The following BABAM2 variants were observed in gnomAD, a reference collection of about 807,000 sequenced individuals.
The protein encoded by BABAM2 is BRISC and BRCA1 A complex member 2.
BABAM2 carries 31 observed loss-of-function variants against 54.7 expected under a neutral mutation model. The observed-to-expected ratio is 0.57, with a 90% confidence interval of 0.43 to 0.77. The LOEUF is 0.77. Among genes scored for constraint, BABAM2 ranks in the 30% least tolerant of loss-of-function variants. The probability of loss-of-function intolerance (pLI) is 0.00; values close to 1 mark genes in which losing one functional copy is unlikely to be tolerated. For missense variants in BABAM2, 364 were observed against 455.8 expected, an observed-to-expected ratio of 0.80 and a Z score of 1.83; for synonymous variants, 167 against 162.9, an observed-to-expected ratio of 1.03 and a Z score of -0.19.
At chr2:28,024,460 C>T (rs1336136277) in intron 4 of BABAM2, among the ~76,000 whole-genome samples, 2 of 151,914 alleles carry the variant, frequency 1.3e-5, no homozygotes, top group African/African-American at 4.8e-5. Context: ...TTTATAAAGT[C>T]ATAACCCTTG....
intron 5 of BABAM2, 72 bp downstream of exon 5, chr2:28,025,492 G>A (rs750428034): frequency 1.5e-6 from 2 of 1,357,298 alleles, no homozygotes; most frequent in Non-Finnish European, 9.8e-7. Context: ...ATGTCCATTT[G>A]TAAATCCTAG....
At position 28,329,360 on chromosome 2, in the gene BABAM2, C is replaced by T. The variant is rs941101001; in HGVS notation, c.1089-9090C>T. Among the ~76,000 whole-genome samples, 1 of 152,182 alleles carries T rather than the reference C, an allele frequency of 6.6e-6. No individual in the cohort carries two copies. Among genetic ancestry groups the T allele is most frequent in the Non-Finnish European group, 1.5e-5 (1 of 68,038 alleles). ...CCAATAATAACCCAACTACTCCCAC[C>T]ACCTTTGCAGCATTACCACCTCCTA... On this transcript the variant is annotated intron_variant, in intron 11 of 11. Coordinates refer to ENST00000379624, the MANE Select transcript of BABAM2 (RefSeq NM_199191.3). The surrounding 1 kb of genome is among the most constrained non-coding windows in gnomAD (Gnocchi z 4.2).
chr2:27,982,108 A>G (rs938833430), intron 3 of BABAM2, among the ~76,000 whole-genome samples: 2 of 152,148 alleles, frequency 1.3e-5, no homozygotes, highest in African/African-American at 4.8e-5. Context: ...CTGTTGGCTA[A>G]TGATCTTGAA....
intron 3 of BABAM2, among the ~76,000 whole-genome samples, chr2:27,932,064 T>TGTAGAATCTATGTATC (rs1668135406): frequency 6.6e-6 from 1 of 152,184 alleles, no homozygotes; most frequent in South Asian, 2.1e-4. Context: ...GACCTTGTTT[T>TGTAGAATCTATGTATC]GTAGAATCTA....
chr2:28,154,115 A>C (rs1384055381), intron 7 of BABAM2, among the ~76,000 whole-genome samples: 1 of 152,218 alleles, frequency 6.6e-6, no homozygotes, highest in East Asian at 1.9e-4. Flanking sequence ...TGGGTCGTAG[A>C]TCACTACTGA....
In BABAM2 at chr2:28,038,799, G is replaced by A. The variant is rs538031713; in HGVS notation, c.496-6926G>A. The stretch of plus-strand genomic sequence containing the variant: ...CAGTTCACCACTGATGGGCACCTAG[G>A]TAGTTTCCATGTCTTTGTTATTGTG... On this transcript the variant is annotated intron_variant, in intron 5 of 11. Transcript: ENST00000379624. Among the ~76,000 whole-genome samples, 6 of 152,254 alleles carry A rather than the reference G, an allele frequency of 3.9e-5. No individual in the cohort carries two copies. The South Asian group carries it at 1.0e-3, about 26-fold the overall frequency.
At chr2:28,327,249 TC>T in intron 11 of BABAM2, 3 of 1,584,788 alleles carry the variant, frequency 1.9e-6, no homozygotes, top group Non-Finnish European at 2.6e-6. Flanking sequence ...TCCCTTCTCC[TC>T]CTCCTTCTCA....
At chr2:28,306,268 T>C (rs1688511394) in intron 11 of BABAM2, among the ~76,000 whole-genome samples, 1 of 152,232 alleles carries the variant, frequency 6.6e-6, no homozygotes, top group African/African-American at 2.4e-5. Context: ...TTCAAATCTT[T>C]TAGCTCTTTA....
chr2:28,063,769 A>G (rs1338726166), intron 6 of BABAM2, among the ~76,000 whole-genome samples: 2 of 152,214 alleles, frequency 1.3e-5, no homozygotes, highest in Non-Finnish European at 2.9e-5. Flanking sequence ...ATAGTTTTCC[A>G]ATAAGTAACT....
chr2:28,130,838 C>T (rs568584687), intron 7 of BABAM2, among the ~76,000 whole-genome samples: 1 of 151,992 alleles, frequency 6.6e-6, no homozygotes, highest in East Asian at 1.9e-4. Context: ...CTTCTGGGTT[C>T]AAGTGATTCT....
intron 4 of BABAM2, among the ~76,000 whole-genome samples, chr2:28,010,008 G>T (rs1004088119): frequency 6.6e-6 from 1 of 152,282 alleles, no homozygotes; most frequent in African/African-American, 2.4e-5. Flanking sequence ...AAGGCCTCCT[G>T]TCTAAGCTCA....
intron 6 of BABAM2, among the ~76,000 whole-genome samples, chr2:28,120,261 G>A (rs1668957235): frequency 6.6e-6 from 1 of 152,130 alleles, no homozygotes. Context: ...GGATAATAAG[G>A]GAAGAAGAAA....
intron 10 of BABAM2, among the ~76,000 whole-genome samples, chr2:28,269,512 C>T (rs1332126191): frequency 6.6e-6 from 1 of 152,206 alleles, no homozygotes; most frequent in Non-Finnish European, 1.5e-5. Context: ...ACATACAGTA[C>T]AACTCCTTTG....
chr2:27,969,951 G>A (rs954271885), intron 3 of BABAM2, among the ~76,000 whole-genome samples: 1 of 152,178 alleles, frequency 6.6e-6, no homozygotes, highest in African/African-American at 2.4e-5. Flanking sequence ...GTGGGAGGAC[G>A]AAGGGAGTAT....
At chr2:27,910,103 T>C (rs1666469958) in intron 2 of BABAM2, among the ~76,000 whole-genome samples, 1 of 152,246 alleles carries the variant, frequency 6.6e-6, no homozygotes, top group Admixed American at 6.5e-5. Flanking sequence ...TCAGAATCTG[T>C]CCTATTGCCA....
intron 3 of BABAM2, 98 bp downstream of exon 3, chr2:27,930,006 T>G (rs1667979803): frequency 2.7e-6 from 3 of 1,095,570 alleles, no homozygotes; most frequent in Non-Finnish European, 4.1e-6. Flanking sequence ...AGTTGTTATC[T>G]CCTAAGATAT....
At chr2:28,022,795 A>G (rs1203767554) in intron 4 of BABAM2, among the ~76,000 whole-genome samples, 1 of 152,204 alleles carries the variant, frequency 6.6e-6, no homozygotes, top group African/African-American at 2.4e-5. Context: ...CTTTCCCTGA[A>G]GGAGCTTTGG....
At chr2:28,302,080 A>G (rs924241468) in intron 11 of BABAM2, among the ~76,000 whole-genome samples, 14 of 152,168 alleles carry the variant, frequency 9.2e-5, no homozygotes, top group Non-Finnish European at 1.5e-4. Flanking sequence ...GTCTGACACA[A>G]TGAAATTTAT....
At position 28,304,132 on chromosome 2, in the gene BABAM2, C is replaced by T. The variant is rs1469161600; in HGVS notation, c.1088+5641C>T. Among the ~76,000 whole-genome samples, 6 of 151,550 alleles carry T rather than the reference C, an allele frequency of 4.0e-5. No homozygotes were observed. Among genetic ancestry groups the T allele is most frequent in the East Asian group, 1.9e-4 (1 of 5,140 alleles). On this transcript the variant is annotated intron_variant, in intron 11 of 11. Transcript: ENST00000379624. The surrounding 1 kb of genome is among the most constrained non-coding windows in gnomAD (Gnocchi z 4.0). The stretch of plus-strand genomic sequence containing the variant: ...GTGCAATGGCATGATCTTGGCTCAC[C>T]GCAACCTCCACCTCCCAGGTTCAAG...
Sources: allele counts gnomAD v4.1 joint callset (sites outside exome capture counted in the v4.1 genomes callset), GRCh38; gene constraint gnomAD v4.1.1; non-coding constraint Gnocchi (gnomAD v3.1); transcripts MANE v1.5; gene names NCBI Gene and HGNC (gene_info 2026-07-23, HGNC 2026-07-21).